INTS2: variants seen among roughly 807,000 people sequenced by gnomAD.
INTS2 encodes the protein integrator complex subunit 2.
INTS2 carries 57 observed loss-of-function variants against 139.6 expected under a neutral mutation model. That is an observed-to-expected ratio of 0.41 (90% CI 0.33 to 0.51). The LOEUF (loss-of-function observed/expected upper bound fraction) is 0.51, where lower values mean the gene tolerates loss of function less well. INTS2 is among the 20% of genes least tolerant of loss of function. The pLI, the probability that INTS2 is intolerant of heterozygous loss-of-function variation, is 0.28. For missense variants in INTS2, 1,196 were observed against 1,436.7 expected (o/e 0.83, Z 2.71); for synonymous variants, 473 against 493.4 (o/e 0.96, Z 0.55).
chr17:61,879,015 T>C (rs2079152915), intron 17 of INTS2, among the ~76,000 whole-genome samples: 1 of 150,512 alleles, frequency 6.6e-6, no homozygotes, highest in Admixed American at 6.6e-5. Flanking sequence ...TCTTATTTTT[T>C]AATTTATTTT....
chr17:61,915,688 G>A (rs56320940), intron 5 of INTS2, among the ~76,000 whole-genome samples: 3,069 of 149,200 alleles, frequency 0.021, 88 homozygotes, highest in African/African-American at 0.07. Context: ...AAAATTAGCC[G>A]GGCGTGGTGG....
At chr17:61,922,815 T>C (rs952022897) in intron 3 of INTS2, among the ~76,000 whole-genome samples, 3 of 151,970 alleles carry the variant, frequency 2.0e-5, no homozygotes, top group Admixed American at 1.3e-4. Flanking sequence ...TGGTGGCTCA[T>C]GCCTGTAATC....
chr17:61,926,078 T>C (rs2079709701), intron 2 of INTS2, among the ~76,000 whole-genome samples: 1 of 151,900 alleles, frequency 6.6e-6, no homozygotes, highest in Admixed American at 6.6e-5. Flanking sequence ...CCCTCTAATC[T>C]AGGGGAAGTT....
chr17:61,874,904 G>A lies in INTS2; in HGVS notation c.2582+9C>T, dbSNP rs1381564457. The stretch of plus-strand genomic sequence containing the variant: ...TCTATAATAAAAATGAAACTCAAAT[G>A]ACATGTACCTGTGAACCCTCTGATC... On this transcript the variant is annotated intron_variant, in intron 19 of 24. Transcript: ENST00000251334. 2.6e-6 allele frequency: 4 copies of A among 1,558,872 alleles called. No homozygotes were observed. In the South Asian group the frequency reaches 3.7e-5, roughly 14 times the overall value.
intron 8 of INTS2, 147 bp downstream of exon 8, chr17:61,907,261 G>A (rs1369240221): frequency 1.6e-6 from 1 of 637,624 alleles, no homozygotes; most frequent in East Asian, 2.7e-5. Context: ...TTGGCCTTAG[G>A]ATTTCATTCT....
intron 15 of INTS2, among the ~76,000 whole-genome samples, chr17:61,887,775 G>A (rs927169649): frequency 7.3e-5 from 11 of 151,696 alleles, no homozygotes; most frequent in African/African-American, 2.4e-4. Flanking sequence ...AATCCAGGCC[G>A]GGTGTGATGG....
At position 61,893,960 on chromosome 17, in the gene INTS2, A is replaced by G; in HGVS notation, c.1564-61T>C. 1 of 1,190,516 alleles carries G rather than the reference A, an allele frequency of 8.4e-7. No homozygotes were observed. The highest frequency in any genetic ancestry group is 1.2e-6 in the Non-Finnish European group (1 of 860,996). The allele number at this position is 1,190,516 out of a possible 1,614,324, so 73.7% of individuals were successfully genotyped here. On this transcript the variant is annotated intron_variant, in intron 12 of 24. Transcript: ENST00000251334. The surrounding 1 kb of genome is among the most constrained non-coding windows in gnomAD (Gnocchi z 5.4). ...ACTAAATATAAAATTATTTTGAAAG[A>G]GAGATTAGTAAGTAGACTGTCAACA...
Position 61,909,823 on chromosome 17 carries a change from A to ATGTGTGTGTGTG in INTS2, c.954+1685_954+1696dup, listed in dbSNP as rs78460850. ...TATACGTGTGTGTGTACATGTGTGT[A>ATGTGTGTGTGTG]TGTGTGTGTGTGTGTGTGTGTGTGT... On this transcript the variant is annotated intron_variant, in intron 7 of 24. Coordinates refer to ENST00000251334, the MANE Select transcript of INTS2 (RefSeq NM_001351695.2). The surrounding 1 kb of genome is among the most constrained non-coding windows in gnomAD (Gnocchi z 4.9). Among the ~76,000 whole-genome samples the ATGTGTGTGTGTG allele has an allele frequency of 7.2e-6, 1 of 138,780 alleles. No homozygotes were observed. Among genetic ancestry groups the ATGTGTGTGTGTG allele is most frequent in the African/African-American group, 2.6e-5 (1 of 38,516 alleles). 91.0% of individuals were successfully genotyped at this position (138,780 alleles called of 152,430 possible). A position where few individuals can be genotyped will look rare whatever the true frequency, so the allele number is the denominator to read the frequency against.
intron 5 of INTS2, 57 bp from the exon 6 acceptor site, chr17:61,912,127 T>A (rs2079532799): frequency 6.4e-7 from 1 of 1,560,056 alleles, no homozygotes; most frequent in Non-Finnish European, 8.7e-7. Flanking sequence ...CATGAAGATT[T>A]CACATGACAG....
chr17:61,914,628 A>G (rs1249162296), intron 5 of INTS2, among the ~76,000 whole-genome samples: 5 of 149,966 alleles, frequency 3.3e-5, no homozygotes, highest in Admixed American at 6.7e-5. Flanking sequence ...GCGTGAACAC[A>G]GGAGGCGGAG....
At chr17:61,877,267 G>A (rs1000853646) in intron 18 of INTS2, among the ~76,000 whole-genome samples, 2 of 152,098 alleles carry the variant, frequency 1.3e-5, no homozygotes, top group African/African-American at 4.8e-5. Context: ...TAGTCTCTGG[G>A]GAGCTAAAGT....
In INTS2 at chr17:61,865,409, A is replaced by G. The variant is rs539851048; in HGVS notation, c.*2148T>C. The G allele has an allele frequency of 1.3e-5, 2 of 152,814 alleles. No individual in the cohort carries two copies. Among genetic ancestry groups the G allele is most frequent in the Admixed American group, 6.5e-5 (1 of 15,312 alleles). 9.5% of individuals were successfully genotyped at this position (152,814 alleles called of 1,614,324 possible). A position where few individuals can be genotyped will look rare whatever the true frequency, so the allele number is the denominator to read the frequency against. On this transcript the variant is annotated 3_prime_UTR_variant, in exon 25 of 25. Coordinates refer to ENST00000251334, the MANE Select transcript of INTS2 (RefSeq NM_001351695.2). This position sits in a 1 kb window ranked among gnomAD's most constrained non-coding sequence, Gnocchi z 4.8. ...ATGAATGTTTATAAACCAATATTCA[A>G]AATAGCTGCACACATCTGTTTTCAC...
At position 61,871,278 on chromosome 17, in the gene INTS2, G is replaced by A. The variant is rs1240759520; in HGVS notation, c.2778+987C>T. Among the ~76,000 whole-genome samples the A allele has an allele frequency of 1.3e-5, 2 of 151,888 alleles. No homozygotes were observed. Among genetic ancestry groups the A allele is most frequent in the East Asian group, 1.9e-4 (1 of 5,168 alleles). On this transcript the variant is annotated intron_variant, in intron 20 of 24. Transcript: ENST00000251334. The surrounding 1 kb of genome is among the most constrained non-coding windows in gnomAD (Gnocchi z 4.9). ...TGGGACTACAGGTTTGGGCCACCAC[G>A]CCCGGCTAATTTTTGTATTTTTAGT...
intron 15 of INTS2, among the ~76,000 whole-genome samples, chr17:61,888,585 G>C (rs1378079569): frequency 6.6e-6 from 1 of 151,960 alleles, no homozygotes; most frequent in East Asian, 1.9e-4. Context: ...GTGTGTGTGT[G>C]TGTGTGGAGA....
At chr17:61,927,386 GCAGCCAA>G in intron 1 of INTS2, 1 of 160,368 alleles carries the variant, frequency 6.2e-6, no homozygotes, top group South Asian at 1.6e-4. Context: ...CAGTGAGCTG[GCAGCCAA>G]AGCAGTCCCC....
intron 8 of INTS2, among the ~76,000 whole-genome samples, chr17:61,906,430 A>C (rs2079463788): frequency 6.6e-6 from 1 of 152,126 alleles, no homozygotes; most frequent in African/African-American, 2.4e-5. Context: ...ACAGACTTTG[A>C]AAGAAGTGAG....
At chr17:61,908,648 T>C (rs2079491549) in intron 7 of INTS2, among the ~76,000 whole-genome samples, 2 of 152,090 alleles carry the variant, frequency 1.3e-5, no homozygotes, top group African/African-American at 4.8e-5. Flanking sequence ...CTAAGTAAAA[T>C]ATGATAGACC....
At chr17:61,878,123 C>G in intron 17 of INTS2, 35 bp from the exon 18 acceptor site, 1 of 1,314,596 alleles carries the variant, frequency 7.6e-7, no homozygotes, top group Non-Finnish European at 1.1e-6. Context: ...AACCTAAATT[C>G]TGTACAGTTT....
chr17:61,867,920 C>T lies in INTS2; in HGVS notation c.3334G>A (p.Asp1112Asn), dbSNP rs368247900. ...ATTTGGATCAGCAAAGACATAATAT[C>T]CTCATACAATGGAGGAAATGCTCGA... is the stretch of plus-strand genomic sequence containing the variant. ...FCRAFPPLYE[D>N]IMSLLIQIGQ... The change falls in exon 24 of 25, where the codon GAT becomes AAT. Residue 1112 changes from aspartate (D) to asparagine (N), a missense_variant. This residue lies in a region of INTS2 where 1,129 missense variants were observed against 1,341.9 expected (regional missense o/e 0.84). Coordinates refer to ENST00000251334, the MANE Select transcript of INTS2 (RefSeq NM_001351695.2). This position sits in a 1 kb window ranked among gnomAD's most constrained non-coding sequence, Gnocchi z 5.6. 1.4e-5 allele frequency: 23 copies of T among 1,612,634 alleles called. No homozygotes were observed. The highest frequency in any genetic ancestry group is 1.9e-5 in the Non-Finnish European group (22 of 1,179,416).
Sources: gnomAD v4.1 joint callset for allele counts (sites outside exome capture counted in the v4.1 genomes callset) on GRCh38, gnomAD v4.1.1 for gene constraint, gnomAD v4.1.1 regional missense constraint, Gnocchi (gnomAD v3.1) non-coding constraint, MANE v1.5 for transcripts, NCBI Gene and HGNC (gene_info 2026-07-23, HGNC 2026-07-21) for gene names.